RAB27A: variants seen among roughly 807,000 people sequenced by gnomAD.
RAB27A encodes RAB27A, member RAS oncogene family, also known as ras-related protein Rab-27A.
In RAB27A, 17 loss-of-function variants were observed where a neutral mutation model predicts 20.8. That is an observed-to-expected ratio of 0.82 (90% confidence interval 0.56 to 1.23). The LOEUF is 1.23. Ranked by LOEUF, RAB27A falls within the 50% of genes most tolerant of loss-of-function variation. The pLI is 0.00. For missense variants in RAB27A, 277 were observed against 266.7 expected (o/e 1.04, Z -0.27); for synonymous variants, 85 against 92.8 (o/e 0.92, Z 0.48).
At chr15:55,256,990 A>G (rs1257120031) in intron 2 of RAB27A, among the ~76,000 whole-genome samples, 1 of 152,216 alleles carries the variant, frequency 6.6e-6, no homozygotes, top group Admixed American at 6.5e-5. Flanking sequence ...GGGAATGGGA[A>G]GAAGGGGATC....
chr15:55,252,463 G>A (rs774653388), intron 2 of RAB27A, among the ~76,000 whole-genome samples: 147 of 152,000 alleles, frequency 9.7e-4, no homozygotes, highest in Non-Finnish European at 1.2e-3. Flanking sequence ...TTAGCTAGGC[G>A]TGGGGACACG....
chr15:55,215,945 C>CAAA (rs1162706734), intron 6 of RAB27A, among the ~76,000 whole-genome samples: 1,163 of 50,010 alleles, frequency 0.023, 60 homozygotes, highest in African/African-American at 0.056. Flanking sequence ...GACGCCGTCT[C>CAAA]AAAAAAAAAA....
chr15:55,262,968 G>C (rs1394767041), intron 2 of RAB27A, among the ~76,000 whole-genome samples: 2 of 152,192 alleles, frequency 1.3e-5, no homozygotes, highest in Non-Finnish European at 2.9e-5. Flanking sequence ...AGTTTGCTAA[G>C]TACGAGTATT....
At chr15:55,297,667 G>A (rs2054955098) in intron 2 of RAB27A, among the ~76,000 whole-genome samples, 1 of 152,152 alleles carries the variant, frequency 6.6e-6, no homozygotes, top group Non-Finnish European at 1.5e-5. Context: ...ATGAGAAGAG[G>A]AAATTGGCTT....
At chr15:55,296,898 G>A (rs1595753964) in intron 2 of RAB27A, among the ~76,000 whole-genome samples, 1 of 152,256 alleles carries the variant, frequency 6.6e-6, no homozygotes, top group East Asian at 1.9e-4. Flanking sequence ...GTATGGATAG[G>A]TGCAGGAGGG....
At chr15:55,213,431 A>G (rs1175647659) in intron 6 of RAB27A, among the ~76,000 whole-genome samples, 1 of 152,112 alleles carries the variant, frequency 6.6e-6, no homozygotes, top group Non-Finnish European at 1.5e-5. Context: ...GAACTCTTTC[A>G]CTTCTGATGT....
At chr15:55,311,334 GAGA>G (rs944283582) in intron 2 of RAB27A, among the ~76,000 whole-genome samples, 15 of 152,314 alleles carry the variant, frequency 9.8e-5, no homozygotes, top group East Asian at 3.9e-4. Flanking sequence ...AAGTCTGAGA[GAGA>G]AGAAGGTACA....
At chr15:55,255,801 G>A (rs1187532189) in intron 2 of RAB27A, among the ~76,000 whole-genome samples, 1 of 152,076 alleles carries the variant, frequency 6.6e-6, no homozygotes, top group African/African-American at 2.4e-5. Context: ...ACTCATTTAC[G>A]AAAAAGGACG....
chr15:55,238,181 C>G (rs1896338694), intron 2 of RAB27A: 1 of 152,080 alleles, frequency 6.6e-6, no homozygotes, highest in Admixed American at 6.6e-5. Context: ...AATAAATGTT[C>G]AGACCTTCCA....
At chr15:55,206,155 G>A (rs1020267798) in intron 6 of RAB27A, 1 of 188,208 alleles carries the variant, frequency 5.3e-6, no homozygotes, top group Non-Finnish European at 9.9e-6. Context: ...AGGTTGCAGT[G>A]AGCCAATATT....
At chr15:55,280,879 T>A (rs1897999543) in intron 1 of RAB27A, among the ~76,000 whole-genome samples, 1 of 152,196 alleles carries the variant, frequency 6.6e-6, no homozygotes, top group South Asian at 2.1e-4. Flanking sequence ...GGTGTATATG[T>A]GCCACATTTT....
At chr15:55,208,971 G>A (rs1471569903) in intron 6 of RAB27A, among the ~76,000 whole-genome samples, 1 of 152,156 alleles carries the variant, frequency 6.6e-6, no homozygotes, top group Non-Finnish European at 1.5e-5. Context: ...GAATCAGCAA[G>A]GAATTTTAAA....
upstream of RAB27A, among the ~76,000 whole-genome samples, chr15:55,292,219 C>CTAT (rs1272133494): frequency 6.6e-6 from 1 of 152,186 alleles, no homozygotes; most frequent in Non-Finnish European, 1.5e-5. Context: ...AGCCAATATG[C>CTAT]TAATAGTTTT....
In RAB27A at chr15:55,203,985, T is replaced by C. The variant is rs1404223709; in HGVS notation, c.*1522A>G. 6.6e-6 allele frequency: 1 copy of C among 152,178 alleles called. No homozygotes were observed. Among genetic ancestry groups the C allele is most frequent in the Non-Finnish European group, 1.5e-5 (1 of 68,026 alleles). 9.4% of individuals were successfully genotyped at this position (152,178 alleles called of 1,614,324 possible). A position where few individuals can be genotyped will look rare whatever the true frequency, so the allele number is the denominator to read the frequency against. ...CAAGTACAGTTTAGATACATGAATATATTGTGTAGTCGTAAAGTCTGGGCT... is the reference window on the plus strand; with the variant it reads ...CAAGTACAGTTTAGATACATGAATACATTGTGTAGTCGTAAAGTCTGGGCT... On this transcript the variant is annotated 3_prime_UTR_variant, in exon 7 of 7. Coordinates refer to ENST00000336787, the MANE Select transcript of RAB27A (RefSeq NM_183235.3).
intron 2 of RAB27A, among the ~76,000 whole-genome samples, chr15:55,307,453 A>C (rs2055002588): frequency 6.6e-6 from 1 of 151,578 alleles, no homozygotes; most frequent in African/African-American, 2.4e-5. Context: ...CATTTTCTCA[A>C]CCTTCCCTGA....
At chr15:55,210,509 C>T (rs999027278) in intron 6 of RAB27A, among the ~76,000 whole-genome samples, 4 of 150,360 alleles carry the variant, frequency 2.7e-5, no homozygotes, top group Non-Finnish European at 5.9e-5. Context: ...TTTTGATTTG[C>T]CTTTCTCTGA....
At chr15:55,296,937 C>T (rs890329867) in intron 2 of RAB27A, among the ~76,000 whole-genome samples, 3 of 152,014 alleles carry the variant, frequency 2.0e-5, no homozygotes, top group Non-Finnish European at 4.4e-5. Flanking sequence ...TCCCAGGGCA[C>T]TGTCAACCTA....
intron 2 of RAB27A, among the ~76,000 whole-genome samples, chr15:55,306,067 G>C (rs1018348484): frequency 1.3e-5 from 2 of 152,176 alleles, no homozygotes; most frequent in African/African-American, 2.4e-5. Context: ...ATAGGCTGAG[G>C]TACCACAGAC....
chr15:55,230,168 A>G (rs1413746679), intron 4 of RAB27A, among the ~76,000 whole-genome samples: 4 of 152,216 alleles, frequency 2.6e-5, no homozygotes, highest in Non-Finnish European at 4.4e-5. Context: ...AAAAAAAATT[A>G]AAAGAAGGAA....
Sources: gnomAD v4.1 joint callset for allele counts (sites outside exome capture counted in the v4.1 genomes callset) on GRCh38, gnomAD v4.1.1 for gene constraint, MANE v1.5 for transcripts, NCBI Gene and HGNC (gene_info 2026-07-23, HGNC 2026-07-21) for gene names.